Variants in PCDHGB3 observed in about 807,000 individuals in gnomAD.
PCDHGB3 encodes the protein protocadherin gamma subfamily B, 3.
PCDHGB3 carries 40 observed loss-of-function variants against 59.2 expected under a neutral mutation model. The ratio of observed to expected loss-of-function variants is 0.68; its 90% CI spans 0.52 to 0.88. The LOEUF (loss-of-function observed/expected upper bound fraction) is 0.88. Among genes scored for constraint, PCDHGB3 ranks in the 40% least tolerant of loss-of-function variants. The pLI, the probability that PCDHGB3 is intolerant of heterozygous loss-of-function variation, is 0.00. For synonymous variants in PCDHGB3, 581 were observed against 503.6 expected, an observed-to-expected ratio of 1.15 and a Z score of -2.06; for missense variants, 1,309 against 1,187.9, an observed-to-expected ratio of 1.10 and a Z score of -1.50.
At chr5:141,454,316 A>G (rs887472165) in intron 1 of PCDHGB3, among the ~76,000 whole-genome samples, 4 of 152,188 alleles carry the variant, frequency 2.6e-5, no homozygotes, top group Non-Finnish European at 4.4e-5. Context: ...AAGCATTGAA[A>G]CCTCCAAGAA....
intron 1 of PCDHGB3, among the ~76,000 whole-genome samples, chr5:141,488,510 G>A (rs910546464): frequency 1.3e-5 from 2 of 152,152 alleles, no homozygotes; most frequent in Non-Finnish European, 2.9e-5. Context: ...TCCACATTTG[G>A]GGTCTGGGGT....
chr5:141,374,091 C>A, intron 1 of PCDHGB3: 1 of 1,536,766 alleles, frequency 6.5e-7, no homozygotes, highest in Non-Finnish European at 8.8e-7. Context: ...GTAATGGCGC[C>A]TCCGCAGAGG....
At chr5:141,381,530 T>C (rs1035264051) in intron 1 of PCDHGB3, among the ~76,000 whole-genome samples, 1 of 152,196 alleles carries the variant, frequency 6.6e-6, no homozygotes. Context: ...TTGAATTGCA[T>C]ACTAGGATGA....
rs745398017 is a variant in PCDHGB3, at chr5:141,371,371, A to C, written c.977A>C (p.His326Pro). The change falls in exon 1 of 4, where the codon CAT becomes CCT. Residue 326 changes from histidine to proline, a missense_variant. By Grantham distance (77) the His-to-Pro change is moderately conservative. Transcript: ENST00000576222. ...TIGVEAKDGG[H>P]HTAYCKVQID... ...GGGGTGGAAGCAAAGGATGGTGGAC[A>C]TCACACTGCATATTGTAAAGTACAG... 6.2e-7 allele frequency: 1 copy of C among 1,614,032 alleles called. No individual in the cohort carries two copies. The highest frequency in any genetic ancestry group is 8.5e-7 in the Non-Finnish European group (1 of 1,179,896).
chr5:141,372,700 A>G lies in PCDHGB3; in HGVS notation c.2306A>G (p.Asn769Ser), dbSNP rs1768981627. ...HSSNTEFKFL[N>S]IKAENAAPQD... ...TCAAACACCGAGTTTAAATTTCTCA[A>G]TATAAAGGCTGAAAATGCTGCACCA... The change falls in exon 1 of 4, where the codon AAT becomes AGT. Residue 769 changes from asparagine to serine, a missense_variant. Asn to Ser is a conservative substitution (Grantham distance 46). Transcript: ENST00000576222. The G allele has an allele frequency of 6.2e-7, 1 of 1,614,002 alleles. No homozygotes were observed. The highest frequency in any genetic ancestry group is 1.1e-5 in the South Asian group (1 of 91,086).
intron 1 of PCDHGB3, chr5:141,398,136 C>G: frequency 6.4e-7 from 1 of 1,556,004 alleles, no homozygotes; most frequent in Non-Finnish European, 8.6e-7. Flanking sequence ...GGATGGGGAG[C>G]GGCGCCGGGG....
Position 141,422,444 on chromosome 5 carries a change from T to TA in PCDHGB3, c.2415+49637dup, listed in dbSNP as rs1171104340. 1.9e-6 allele frequency: 3 copies of TA among 1,610,490 alleles called. No homozygotes were observed. The Admixed American group carries it at 5.1e-5, about 27-fold the overall frequency. ...ACTTATGGAAATTATTACAAATTGA[T>TA]AACAAGCAGAGTGCTGGACAGGGAG... On this transcript the variant is annotated intron_variant, in intron 1 of 3. Coordinates refer to ENST00000576222, the MANE Select transcript of PCDHGB3 (RefSeq NM_018924.5).
At chr5:141,404,381 T>A (rs762394525) in intron 1 of PCDHGB3, 5 of 1,613,954 alleles carry the variant, frequency 3.1e-6, no homozygotes, top group Middle Eastern at 1.6e-4. Context: ...CGTGATTGCC[T>A]ATGACCCTGA....
chr5:141,415,947 C>T (rs1161530180), intron 1 of PCDHGB3: 1 of 532,382 alleles, frequency 1.9e-6, no homozygotes, highest in Admixed American at 4.2e-5. Flanking sequence ...CCTGGGTGGT[C>T]ACATATTGAA....
intron 1 of PCDHGB3, chr5:141,424,098 C>T: frequency 8.3e-6 from 7 of 846,340 alleles, no homozygotes; most frequent in Non-Finnish European, 1.0e-5. Flanking sequence ...TTTGCTATTA[C>T]TGCTAATGTT....
Position 141,476,570 on chromosome 5 carries a change from A to G in PCDHGB3, c.2416-18237A>G. ...GATTAGCGAGGCCGTGGCTCCGGGG[A>G]CGCGCTTTCCGCTCGAGAGCGCGCA... On this transcript the variant is annotated intron_variant, in intron 1 of 3. Transcript: ENST00000576222. The surrounding 1 kb of genome is among the most constrained non-coding windows in gnomAD (Gnocchi z 7.6). 3 of 1,614,114 alleles carry G rather than the reference A, an allele frequency of 1.9e-6. No individual in the cohort carries two copies. The highest frequency in any genetic ancestry group is 2.5e-6 in the Non-Finnish European group (3 of 1,180,012).
Position 141,511,345 on chromosome 5 carries a change from TC to T in PCDHGB3, c.*179del, listed in dbSNP as rs535135679. On this transcript the variant is annotated 3_prime_UTR_variant, in exon 4 of 4. Coordinates refer to ENST00000576222, the MANE Select transcript of PCDHGB3 (RefSeq NM_018924.5). ...AAGTGCCCAGTCAGCACCTACCCCTTCCCCCCCAGGGGGTTGAATATGCAAA... is the reference window on the plus strand; with the variant it reads ...AAGTGCCCAGTCAGCACCTACCCCTTCCCCCCAGGGGGTTGAATATGCAAA... The T allele has an allele frequency of 2.2e-5, 31 of 1,410,342 alleles. No individual in the cohort carries two copies. Among genetic ancestry groups the T allele is most frequent in the South Asian group, 2.9e-5 (2 of 68,200 alleles). 87.4% of individuals were successfully genotyped at this position (1,410,342 alleles called of 1,614,324 possible). A position where few individuals can be genotyped will look rare whatever the true frequency, so the allele number is the denominator to read the frequency against.
chr5:141,396,628 A>G (rs1384822433), intron 1 of PCDHGB3: 2 of 152,210 alleles, frequency 1.3e-5, no homozygotes, highest in Non-Finnish European at 2.9e-5. Flanking sequence ...TCAAAAAAAA[A>G]AAAAACTAAT....
At chr5:141,499,689 C>CTTT (rs545067566) in intron 2 of PCDHGB3, among the ~76,000 whole-genome samples, 57 of 119,830 alleles carry the variant, frequency 4.8e-4, no homozygotes, top group Non-Finnish European at 6.2e-4. Context: ...TAACAGATGA[C>CTTT]TTTTTTTTTT....
chr5:141,414,992 C>T, intron 1 of PCDHGB3: 2 of 1,613,770 alleles, frequency 1.2e-6, no homozygotes, highest in Non-Finnish European at 1.7e-6. Flanking sequence ...GGCCAGAACG[C>T]CTGGCTGTCC....
chr5:141,415,112 T>G, intron 1 of PCDHGB3: 1 of 1,613,626 alleles, frequency 6.2e-7, no homozygotes, highest in Non-Finnish European at 8.5e-7. Flanking sequence ...AAGCAAAGCC[T>G]CGTAGTGGCC....
intron 1 of PCDHGB3, among the ~76,000 whole-genome samples, chr5:141,483,648 TTGTGTGTG>T (rs111458813): frequency 6.7e-6 from 1 of 149,592 alleles, no homozygotes; most frequent in Non-Finnish European, 1.5e-5. Flanking sequence ...GGGTGTGTGT[TTGTGTGTG>T]TGTGTGTGTG....
chr5:141,429,572 T>C (rs1450720834), intron 1 of PCDHGB3, among the ~76,000 whole-genome samples: 1 of 152,226 alleles, frequency 6.6e-6, no homozygotes, highest in South Asian at 2.1e-4. Context: ...TTCAGTTACA[T>C]TTACTTTTGA....
intron 1 of PCDHGB3, among the ~76,000 whole-genome samples, chr5:141,373,276 G>T (rs1769464753): frequency 6.6e-6 from 1 of 152,204 alleles, no homozygotes; most frequent in Non-Finnish European, 1.5e-5. Flanking sequence ...CACAGATGTT[G>T]CCTATGTCAG....
Sources: gnomAD v4.1 joint callset for allele counts (sites outside exome capture counted in the v4.1 genomes callset) on GRCh38, gnomAD v4.1.1 for gene constraint, Gnocchi (gnomAD v3.1) non-coding constraint, MANE v1.5 for transcripts, NCBI Gene and HGNC (gene_info 2026-07-23, HGNC 2026-07-21) for gene names.